Variants in MINK1 observed in about 807,000 individuals in gnomAD.
The protein encoded by MINK1 is misshapen-like kinase 1.
MINK1 carries 46 observed loss-of-function variants against 178.4 expected under a neutral mutation model. The observed-to-expected ratio is 0.26, with a 90% CI of 0.20 to 0.33. MINK1 has a LOEUF of 0.33. Ranked by LOEUF, MINK1 falls within the 10% of genes least tolerant of loss-of-function variation. The probability of loss-of-function intolerance (pLI) is 1.00; values close to 1 mark genes in which losing one functional copy is unlikely to be tolerated. For synonymous variants in MINK1, 797 were observed against 709.7 expected (o/e 1.12, Z -1.96); for missense variants, 1,366 against 1,814.9 (o/e 0.75, Z 4.49).
Position 4,881,747 on chromosome 17 carries a change from T to A in MINK1, c.306+490T>A, listed in dbSNP as rs545120129. Among the ~76,000 whole-genome samples, 10 of 152,348 alleles carry A rather than the reference T, an allele frequency of 6.6e-5. No homozygotes were observed. The East Asian group carries it at 1.9e-3, about 29-fold the overall frequency. The stretch of plus-strand genomic sequence containing the variant: ...CTGGGTCATCATTCAAAACAGAGCC[T>A]GCTGCAGAGCTTGGGGCCTCCCCCA... On this transcript the variant is annotated intron_variant, in intron 4 of 31. Transcript: ENST00000355280.
Position 4,894,899 on chromosome 17 carries a change from C to A in MINK1, c.2918-176C>A. The A allele has an allele frequency of 1.4e-6, 1 of 739,944 alleles. No homozygotes were observed. The highest frequency in any genetic ancestry group is 2.2e-6 in the Non-Finnish European group (1 of 460,792). The allele number at this position is 739,944 out of a possible 1,614,324, so 45.8% of individuals were successfully genotyped here. On this transcript the variant is annotated intron_variant, in intron 24 of 31. Transcript: ENST00000355280. This position sits in a 1 kb window ranked among gnomAD's most constrained non-coding sequence, Gnocchi z 4.1. The stretch of plus-strand genomic sequence containing the variant: ...GACAGAAATGGGACTTGAGCCAGAC[C>A]TTTTGACTCCAAGTCCAGCACTCTA...
intron 1 of MINK1, among the ~76,000 whole-genome samples, chr17:4,837,566 C>G (rs1187945353): frequency 6.6e-6 from 1 of 152,212 alleles, no homozygotes; most frequent in African/African-American, 2.4e-5. Context: ...GCCTCTGTGT[C>G]TAAGCTTGGT....
intron 4 of MINK1, among the ~76,000 whole-genome samples, 199 bp downstream of exon 4, chr17:4,881,456 C>T (rs1451411028): frequency 6.6e-6 from 1 of 152,198 alleles, no homozygotes; most frequent in Non-Finnish European, 1.5e-5. Context: ...TGAACTGCAG[C>T]ATCTCATCCT....
chr17:4,887,598 TG>T lies in MINK1; in HGVS notation c.1040del (p.Gly347GlufsTer23). On this transcript the variant is annotated frameshift_variant, in exon 12 of 32. Coordinates refer to ENST00000355280, the MANE Select transcript of MINK1 (RefSeq NM_153827.5). LOFTEE classifies it high-confidence loss of function. This position sits in a 1 kb window ranked among gnomAD's most constrained non-coding sequence, Gnocchi z 7.6. Reference protein sequence around the residue: ...GEPSSIMNVPGESTLRREFLR... With the variant: ...GEPSSIMNVPXESTLRREFLR... ...TGCCCAGCTCCATCATGAACGTGCC[TG>T]GAGAGTCGACTCTACGCCGGGAGTT... 1 of 1,550,384 alleles carries T rather than the reference TG, an allele frequency of 6.5e-7. No individual in the cohort carries two copies. Among genetic ancestry groups the T allele is most frequent in the Non-Finnish European group, 8.7e-7 (1 of 1,149,600 alleles).
At chr17:4,871,252 G>C (rs901724780) in intron 1 of MINK1, among the ~76,000 whole-genome samples, 11 of 148,098 alleles carry the variant, frequency 7.4e-5, no homozygotes, top group African/African-American at 2.8e-4. Flanking sequence ...GTGCAGTGGT[G>C]CTATCATAGG....
chr17:4,892,426 A>AATCT lies in MINK1; in HGVS notation c.2117_2120dup (p.Gln708SerfsTer27). ...GACCTCGCAGCAACTCCGCCTGGCA[A>AATCT]ATCTATCTGCAAAGGCGGGCAGAGC... On this transcript the variant is annotated frameshift_variant, in exon 18 of 32. Coordinates refer to ENST00000355280, the MANE Select transcript of MINK1 (RefSeq NM_153827.5). LOFTEE classifies it high-confidence loss of function. 6.4e-7 allele frequency: 1 copy of AATCT among 1,561,492 alleles called. No individual in the cohort carries two copies.
intron 1 of MINK1, among the ~76,000 whole-genome samples, chr17:4,862,115 G>A (rs1020404933): frequency 2.0e-5 from 3 of 152,056 alleles, no homozygotes; most frequent in African/African-American, 7.2e-5. Context: ...TTGGTCCTGT[G>A]AAAGGTTAAA....
chr17:4,854,483 G>C (rs1227266131), intron 1 of MINK1, among the ~76,000 whole-genome samples: 1 of 152,172 alleles, frequency 6.6e-6, no homozygotes, highest in Non-Finnish European at 1.5e-5. Context: ...TGCTCTGACT[G>C]GTTTCTGATG....
chr17:4,897,201 C>T lies in MINK1; in HGVS notation c.3916-3C>T. 1 of 1,613,188 alleles carries T rather than the reference C, an allele frequency of 6.2e-7. No individual in the cohort carries two copies. The highest frequency in any genetic ancestry group is 8.5e-7 in the Non-Finnish European group (1 of 1,179,490). ...TGGTGACTTCTTCTCCTGCCCCACCCAGGTGTTTTTTGCCTCAGTCCGCTC... is the reference window on the plus strand; with the variant it reads ...TGGTGACTTCTTCTCCTGCCCCACCTAGGTGTTTTTTGCCTCAGTCCGCTC... On this transcript the variant is annotated splice_region_variant and splice_polypyrimidine_tract_variant and intron_variant, in intron 31 of 31. Transcript: ENST00000355280.
chr17:4,852,989 A>G (rs1457318310), intron 1 of MINK1, among the ~76,000 whole-genome samples: 1 of 2,326 alleles, frequency 4.3e-4, no homozygotes, highest in South Asian at 0.025. Flanking sequence ...AGTGTGATTG[A>G]TGGGGGAGTG....
intron 1 of MINK1, among the ~76,000 whole-genome samples, chr17:4,877,613 G>A (rs557410240): frequency 9.2e-5 from 14 of 151,936 alleles, no homozygotes; most frequent in Non-Finnish European, 1.5e-4. Context: ...TTGGGCACAC[G>A]CTCTGATGCC....
chr17:4,892,344 C>T lies in MINK1; in HGVS notation c.2088-58C>T, dbSNP rs1377581866. On this transcript the variant is annotated intron_variant, in intron 17 of 31. Coordinates refer to ENST00000355280, the MANE Select transcript of MINK1 (RefSeq NM_153827.5). ...CCGCCTGGGGGTGGGAAAGCCCCAGCCCCATCACCTCAGCGCCCCCCCGCC... is the reference window on the plus strand; with the variant it reads ...CCGCCTGGGGGTGGGAAAGCCCCAGTCCCATCACCTCAGCGCCCCCCCGCC... 81 of 1,460,300 alleles carry T rather than the reference C, an allele frequency of 5.5e-5. No homozygotes were observed. The East Asian group carries it at 2.0e-3, about 36-fold the overall frequency. The allele number at this position is 1,460,300 out of a possible 1,614,324, so 90.5% of individuals were successfully genotyped here.
intron 16 of MINK1, among the ~76,000 whole-genome samples, 195 bp from the exon 17 acceptor site, chr17:4,891,954 G>A (rs1368415185): frequency 6.6e-6 from 1 of 152,124 alleles, no homozygotes; most frequent in African/African-American, 2.4e-5. Context: ...AGCGCTAAGG[G>A]GCAGACTTTG....
At chr17:4,877,170 G>A (rs757136154) in intron 1 of MINK1, among the ~76,000 whole-genome samples, 22 of 151,852 alleles carry the variant, frequency 1.4e-4, no homozygotes, top group Non-Finnish European at 2.9e-4. Flanking sequence ...TCTTCAGCTT[G>A]CAGCTCCACC....
Position 4,881,045 on chromosome 17 carries a change from G to T in MINK1, c.180+5G>T, listed in dbSNP as rs2150991584. 3 of 1,533,462 alleles carry T rather than the reference G, an allele frequency of 2.0e-6. No homozygotes were observed. The East Asian group carries it at 7.3e-5, about 38-fold the overall frequency. 95.0% of individuals were successfully genotyped at this position (1,533,462 alleles called of 1,614,324 possible). A position where few individuals can be genotyped will look rare whatever the true frequency, so the allele number is the denominator to read the frequency against. On this transcript the variant is annotated splice_donor_5th_base_variant and intron_variant, in intron 3 of 31. Coordinates refer to ENST00000355280, the MANE Select transcript of MINK1 (RefSeq NM_153827.5). Reference sequence around the variant, plus strand: ...AAGGTCATGGATGTCACGGAGGTAGGGAGTGGAGCTGGGCAGTGGGAGGGT... The same window carrying T: ...AAGGTCATGGATGTCACGGAGGTAGTGAGTGGAGCTGGGCAGTGGGAGGGT...
chr17:4,833,452 C>G lies in MINK1; in HGVS notation c.-132C>G. 1.4e-6 allele frequency: 1 copy of G among 693,198 alleles called. No individual in the cohort carries two copies. Among genetic ancestry groups the G allele is most frequent in the Non-Finnish European group, 2.3e-6 (1 of 434,464 alleles). 42.9% of individuals were successfully genotyped at this position (693,198 alleles called of 1,614,324 possible). On this transcript the variant is annotated 5_prime_UTR_variant, in exon 1 of 32. Transcript: ENST00000355280. This position sits in a 1 kb window ranked among gnomAD's most constrained non-coding sequence, Gnocchi z 4.8. ...CGGTCCTCGCGCCGGCCCTCCCCCT[C>G]CCCGGTCTCCGGGGGAGGCGCGGTG... is the stretch of plus-strand genomic sequence containing the variant.
At position 4,886,240 on chromosome 17, in the gene MINK1, G is replaced by C. The variant is rs753566141; in HGVS notation, c.773+42G>C. The C allele has an allele frequency of 1.9e-6, 3 of 1,599,404 alleles. No individual in the cohort carries two copies. In the South Asian group the frequency reaches 3.3e-5, roughly 18 times the overall value. On this transcript the variant is annotated intron_variant, in intron 9 of 31. Transcript: ENST00000355280. The surrounding 1 kb of genome is among the most constrained non-coding windows in gnomAD (Gnocchi z 6.1). ...GTGGGCTCTGGGAAGGAAGGTCCCT[G>C]GACAAGGCCATCCCCACCTTCATGC...
At position 4,897,350 on chromosome 17, in the gene MINK1, C is replaced by A. The variant is rs570073299; in HGVS notation, c.*63C>A. On this transcript the variant is annotated 3_prime_UTR_variant, in exon 32 of 32. Transcript: ENST00000355280. ...GCTCTCCCCCTGCAGCCAGGCTTCC[C>A]GGGCCGCCCCTCTTTCCCCTCCCTG... is the stretch of plus-strand genomic sequence containing the variant. 1.3e-6 allele frequency: 2 copies of A among 1,491,516 alleles called. No homozygotes were observed. The highest frequency in any genetic ancestry group is 1.9e-6 in the Non-Finnish European group (2 of 1,075,620). The allele number at this position is 1,491,516 out of a possible 1,614,324, so 92.4% of individuals were successfully genotyped here.
At position 4,894,674 on chromosome 17, in the gene MINK1, A is replaced by G. The variant is rs374371582; in HGVS notation, c.2917+41A>G. On this transcript the variant is annotated intron_variant, in intron 24 of 31. Coordinates refer to ENST00000355280, the MANE Select transcript of MINK1 (RefSeq NM_153827.5). This position sits in a 1 kb window ranked among gnomAD's most constrained non-coding sequence, Gnocchi z 4.1. The stretch of plus-strand genomic sequence containing the variant: ...CAGACCTGCTGTGAGGCCAGGGTCC[A>G]GGGGCAGCCTGGAGGGGAGCACAGT... 6.1e-5 allele frequency: 91 copies of G among 1,493,414 alleles called. No individual in the cohort carries two copies. The highest frequency in any genetic ancestry group is 7.8e-5 in the Non-Finnish European group (85 of 1,087,276). 92.5% of individuals were successfully genotyped at this position (1,493,414 alleles called of 1,614,324 possible). A position where few individuals can be genotyped will look rare whatever the true frequency, so the allele number is the denominator to read the frequency against.
Sources: gnomAD v4.1 joint callset for allele counts (sites outside exome capture counted in the v4.1 genomes callset) on GRCh38, gnomAD v4.1.1 for gene constraint, Gnocchi (gnomAD v3.1) non-coding constraint, MANE v1.5 for transcripts, NCBI Gene and HGNC (gene_info 2026-07-23, HGNC 2026-07-21) for gene names.